The following MALRD1 variants were observed in gnomAD, a reference collection of about 807,000 sequenced individuals.
MALRD1 encodes MAM and LDL receptor class A domain containing 1.
A neutral mutation model predicts 242.1 loss-of-function variants in MALRD1; 247 were observed. The ratio of observed to expected loss-of-function variants is 1.02; its 90% CI spans 0.92 to 1.13. The LOEUF (loss-of-function observed/expected upper bound fraction) is 1.13, where lower values mean the gene tolerates loss of function less well. Among genes scored for constraint, MALRD1 ranks in the 50% most tolerant of loss-of-function variants. The probability of loss-of-function intolerance (pLI) is 0.00; values close to 1 mark genes in which losing one functional copy is unlikely to be tolerated. For missense variants in MALRD1, 2,989 were observed against 2,533.1 expected, an observed-to-expected ratio of 1.18 and a Z score of -3.86; for synonymous variants, 995 against 866.6, an observed-to-expected ratio of 1.15 and a Z score of -2.60.
intron 14 of MALRD1, among the ~76,000 whole-genome samples, chr10:19,189,440 G>T (rs557646844): frequency 2.5e-4 from 38 of 151,922 alleles, no homozygotes; most frequent in African/African-American, 4.8e-5. Context: ...TGAAGACAAG[G>T]AATATTTTCT....
At chr10:19,173,556 G>A (rs1835100586) in intron 13 of MALRD1, among the ~76,000 whole-genome samples, 1 of 152,050 alleles carries the variant, frequency 6.6e-6, no homozygotes, top group Non-Finnish European at 1.5e-5. Flanking sequence ...CCAACTCATG[G>A]AATTTTCCTC....
chr10:19,689,393 G>A (rs1261065255), intron 36 of MALRD1, among the ~76,000 whole-genome samples: 1 of 152,088 alleles, frequency 6.6e-6, no homozygotes, highest in Non-Finnish European at 1.5e-5. Context: ...GACACTTCAA[G>A]CATATATTGT....
At chr10:19,694,393 C>A (rs1833264323) in intron 38 of MALRD1, among the ~76,000 whole-genome samples, 1 of 151,936 alleles carries the variant, frequency 6.6e-6, no homozygotes, top group South Asian at 2.1e-4. Context: ...AAAAACAACC[C>A]CATCAACAAG....
At chr10:19,378,901 T>C (rs577819169) in intron 26 of MALRD1, among the ~76,000 whole-genome samples, 1 of 152,238 alleles carries the variant, frequency 6.6e-6, no homozygotes, top group Non-Finnish European at 1.5e-5. Context: ...TCTGTTTACA[T>C]GTGTTGTAGA....
chr10:19,665,263 A>G (rs1315137277), intron 36 of MALRD1, among the ~76,000 whole-genome samples: 1 of 152,132 alleles, frequency 6.6e-6, no homozygotes, highest in Non-Finnish European at 1.5e-5. Context: ...AAACAAACAA[A>G]CAAACAAAAC....
intron 26 of MALRD1, among the ~76,000 whole-genome samples, chr10:19,365,659 TAAAAAAAA>T (rs199989681): frequency 1.2e-4 from 15 of 122,870 alleles, no homozygotes; most frequent in African/African-American, 4.1e-4. Flanking sequence ...TTATAAATTC[TAAAAAAAA>T]AAAAAAAAAA....
At chr10:19,146,625 A>T (rs796276850) in intron 11 of MALRD1, among the ~76,000 whole-genome samples, 13 of 152,336 alleles carry the variant, frequency 8.5e-5, no homozygotes, top group African/African-American at 3.1e-4. Flanking sequence ...CAAGTTGCCC[A>T]GAATCAAGTA....
chr10:19,351,792 T>C (rs959226403), intron 25 of MALRD1, among the ~76,000 whole-genome samples: 3 of 152,164 alleles, frequency 2.0e-5, no homozygotes, highest in African/African-American at 7.2e-5. Flanking sequence ...TATTTGATTC[T>C]TCCTCTGCTG....
intron 36 of MALRD1, among the ~76,000 whole-genome samples, chr10:19,677,541 T>C (rs1842185533): frequency 6.6e-6 from 1 of 152,202 alleles, no homozygotes; most frequent in Non-Finnish European, 1.5e-5. Context: ...TAAATTTGTT[T>C]AAGTCCCTTG....
chr10:19,319,643 C>T (rs1842837746), intron 21 of MALRD1, among the ~76,000 whole-genome samples: 1 of 152,062 alleles, frequency 6.6e-6, no homozygotes, highest in South Asian at 2.1e-4. Context: ...GAATTGGTAT[C>T]TGGTGAGGGC....
chr10:19,537,969 T>C (rs978028272), intron 32 of MALRD1, among the ~76,000 whole-genome samples: 1 of 152,166 alleles, frequency 6.6e-6, no homozygotes, highest in Non-Finnish European at 1.5e-5. Context: ...AAAGATAAAC[T>C]GAAAACCAAT....
At chr10:19,099,710 A>G (rs1340778322) in intron 4 of MALRD1, among the ~76,000 whole-genome samples, 1 of 151,932 alleles carries the variant, frequency 6.6e-6, no homozygotes, top group Non-Finnish European at 1.5e-5. Context: ...TAAAACTACC[A>G]TACACCAACA....
In MALRD1 at chr10:19,156,027, G is replaced by A. The variant is rs1175715549; in HGVS notation, c.1656+855G>A. ...TTTTGAGAGCTCCAACATGCCTCTC[G>A]GCCCTTAGGATTTCAGCTAATTTTT... On this transcript the variant is annotated intron_variant, in intron 12 of 39. Transcript: ENST00000454679. 3.9e-5 allele frequency among the ~76,000 whole-genome samples: 6 copies of A among 152,060 alleles called. No homozygotes were observed. The South Asian group carries it at 6.2e-4, about 16-fold the overall frequency.
intron 36 of MALRD1, among the ~76,000 whole-genome samples, chr10:19,648,986 C>G (rs760666357): frequency 6.6e-6 from 1 of 152,146 alleles, no homozygotes; most frequent in Non-Finnish European, 1.5e-5. Context: ...TGAGAACATG[C>G]AGTATTTGGT....
Position 19,176,366 on chromosome 10 carries a change from C to CTTTTTTTTTTTTTTTTTTTTTTTTT in MALRD1, c.1951+1057_1951+1058insTTTTTTTTTTTTTTTTTTTTTTTTT, listed in dbSNP as rs11443184. 2.6e-4 allele frequency among the ~76,000 whole-genome samples: 23 copies of CTTTTTTTTTTTTTTTTTTTTTTTTT among 87,300 alleles called. 5 individuals carry two copies. The highest frequency in any genetic ancestry group is 5.8e-4 in the Admixed American group (4 of 6,842). 57.3% of individuals were successfully genotyped at this position (87,300 alleles called of 152,430 possible). A position where few individuals can be genotyped will look rare whatever the true frequency, so the allele number is the denominator to read the frequency against. On this transcript the variant is annotated intron_variant, in intron 14 of 39. Coordinates refer to ENST00000454679, the MANE Select transcript of MALRD1 (RefSeq NM_001142308.3). Reference sequence around the variant, plus strand: ...TCGAGAGAGTGTATATTTCTGGGTGCTTTTTTTTTTTTTTTTTTTGAGACG... The same window carrying CTTTTTTTTTTTTTTTTTTTTTTTTT: ...TCGAGAGAGTGTATATTTCTGGGTGCTTTTTTTTTTTTTTTTTTTTTTTTTTTTTTTTTTTTTTTTTTTTGAGACG...
chr10:19,491,582 G>A lies in MALRD1; in HGVS notation c.5095G>A (p.Ala1699Thr), dbSNP rs758919011. The A allele has an allele frequency of 5.4e-5, 83 of 1,550,018 alleles. No individual in the cohort carries two copies. Among genetic ancestry groups the A allele is most frequent in the Non-Finnish European group, 7.0e-5 (80 of 1,146,832 alleles). The change falls in exon 30 of 40, where the codon GCA (alanine) becomes ACA (threonine). Residue 1699 changes from alanine (A) to threonine (T), a missense_variant. By Grantham distance (58) the Ala-to-Thr change is moderately conservative (BLOSUM62 0). Coordinates refer to ENST00000454679, the MANE Select transcript of MALRD1 (RefSeq NM_001142308.3). The stretch of plus-strand genomic sequence containing the variant: ...TTTGTGCCGGGACAAGAAGTGCATT[G>A]CATCCCACCTTCTTTGTGACTATAA... ...DFLCRDKKCI[A>T]SHLLCDYKPD...
At chr10:19,489,155 A>T in intron 29 of MALRD1, 1 of 469,260 alleles carries the variant, frequency 2.1e-6, no homozygotes. Context: ...GCCTAACAGG[A>T]GGTCAGCGCT....
Position 19,402,762 on chromosome 10 carries a change from C to T in MALRD1, c.4845+13153C>T, listed in dbSNP as rs138243165. Reference sequence around the variant, plus strand: ...ATTTGTGCCTTTTTCTTATCCATGCCTTTGTTAAATCCATATCTTTTTCTA... The same window carrying T: ...ATTTGTGCCTTTTTCTTATCCATGCTTTTGTTAAATCCATATCTTTTTCTA... On this transcript the variant is annotated intron_variant, in intron 28 of 39. Coordinates refer to ENST00000454679, the MANE Select transcript of MALRD1 (RefSeq NM_001142308.3). Among the ~76,000 whole-genome samples, 441 of 152,186 alleles carry T rather than the reference C, an allele frequency of 2.9e-3. 4 individuals are homozygous for T. The highest frequency in any genetic ancestry group is 0.024 in the South Asian group (117 of 4,826).
At chr10:19,205,453 A>G (rs915448685) in intron 17 of MALRD1, among the ~76,000 whole-genome samples, 188 bp downstream of exon 17, 2 of 151,452 alleles carry the variant, frequency 1.3e-5, no homozygotes, top group Non-Finnish European at 2.9e-5. Flanking sequence ...TAGATACTAG[A>G]TACCAAATAC....
Sources: allele counts gnomAD v4.1 joint callset (sites outside exome capture counted in the v4.1 genomes callset), GRCh38; gene constraint gnomAD v4.1.1; transcripts MANE v1.5; gene names NCBI Gene and HGNC (gene_info 2026-07-23, HGNC 2026-07-21).